Variants in LINGO1 observed in about 807,000 individuals in gnomAD.
The protein encoded by LINGO1 is leucine-rich repeat and immunoglobulin-like domain-containing nogo receptor-interacting protein 1.
LINGO1 carries 11 observed loss-of-function variants against 37.3 expected under a neutral mutation model. The ratio of observed to expected loss-of-function variants is 0.29; its 90% CI spans 0.19 to 0.49. LINGO1 has a LOEUF of 0.49. LINGO1 is among the 20% of genes least tolerant of loss of function. LINGO1 has a pLI of 0.99. For missense variants in LINGO1, 585 were observed against 878.2 expected (o/e 0.67, Z 4.22); for synonymous variants, 387 against 403.0 (o/e 0.96, Z 0.48).
At chr15:77,751,731 T>A (rs1177800526) in intron 1 of LINGO1, among the ~76,000 whole-genome samples, 1 of 152,200 alleles carries the variant, frequency 6.6e-6, no homozygotes, top group African/African-American at 2.4e-5. Flanking sequence ...GCCATTCAAC[T>A]GGCCCCACTG....
At chr15:77,751,151 C>T (rs747419855) in intron 1 of LINGO1, among the ~76,000 whole-genome samples, 1 of 152,174 alleles carries the variant, frequency 6.6e-6, no homozygotes, top group Non-Finnish European at 1.5e-5. Context: ...GGTGTGAGCA[C>T]AGGTGTGAAT....
upstream of LINGO1, among the ~76,000 whole-genome samples, chr15:77,639,047 G>C (rs1351305211): frequency 1.3e-5 from 2 of 152,110 alleles, no homozygotes; most frequent in Non-Finnish European, 2.9e-5. Context: ...CACATAGAAA[G>C]GAACTGATGT....
intron 2 of LINGO1, among the ~76,000 whole-genome samples, chr15:77,733,449 T>A (rs1169705266): frequency 2.6e-5 from 4 of 152,098 alleles, no homozygotes; most frequent in African/African-American, 9.7e-5. Context: ...CCATGACCCT[T>A]GAGGGCCTGA....
intron 1 of LINGO1, among the ~76,000 whole-genome samples, chr15:77,814,114 A>C (rs2077029769): frequency 6.6e-6 from 1 of 152,170 alleles, no homozygotes; most frequent in African/African-American, 2.4e-5. Context: ...AGTCCATGAC[A>C]GCCTGTCCTT....
At chr15:77,752,026 T>C (rs2076377175) in intron 1 of LINGO1, among the ~76,000 whole-genome samples, 1 of 152,236 alleles carries the variant, frequency 6.6e-6, no homozygotes, top group Non-Finnish European at 1.5e-5. Flanking sequence ...GAGTCAGCTG[T>C]GTCTTGCCCA....
chr15:77,789,745 G>A (rs1222933140), upstream of LINGO1, among the ~76,000 whole-genome samples: 1 of 152,158 alleles, frequency 6.6e-6, no homozygotes, highest in African/African-American at 2.4e-5. Flanking sequence ...ACAGCCTTTG[G>A]AGGCAACCAG....
At chr15:77,813,565 G>A (rs762647966) in intron 1 of LINGO1, among the ~76,000 whole-genome samples, 3 of 152,192 alleles carry the variant, frequency 2.0e-5, no homozygotes, top group South Asian at 4.1e-4. Context: ...GAGGGCAGAG[G>A]CTGGTCCTAC....
At chr15:77,624,163 C>G (rs1312473403) in intron 1 of LINGO1, among the ~76,000 whole-genome samples, 12 of 131,750 alleles carry the variant, frequency 9.1e-5, no homozygotes, top group Admixed American at 9.0e-4. Context: ...TGAGTGGCCT[C>G]TGTGTGTGTG....
At chr15:77,804,317 C>T (rs889093257) in intron 1 of LINGO1, among the ~76,000 whole-genome samples, 18 of 152,230 alleles carry the variant, frequency 1.2e-4, no homozygotes, top group African/African-American at 3.1e-4. Context: ...CGATATGCAC[C>T]GAAGGCAAGA....
intron 2 of LINGO1, among the ~76,000 whole-genome samples, chr15:77,795,747 G>A (rs1038829572): frequency 6.6e-6 from 1 of 152,228 alleles, no homozygotes; most frequent in South Asian, 2.1e-4. Flanking sequence ...AACGCCCCAC[G>A]CTTCCAAGCT....
chr15:77,624,113 G>A (rs1175047741), intron 1 of LINGO1, among the ~76,000 whole-genome samples: 3 of 144,226 alleles, frequency 2.1e-5, no homozygotes, highest in African/African-American at 7.9e-5. Flanking sequence ...TGTGTGGAGT[G>A]CGAGTAGTCT....
chr15:77,694,440 G>A (rs939459088), intron 1 of LINGO1, among the ~76,000 whole-genome samples: 2 of 152,002 alleles, frequency 1.3e-5, no homozygotes, highest in Non-Finnish European at 2.9e-5. Flanking sequence ...CTCACACCTA[G>A]GGACCTTCTC....
intron 3 of LINGO1, among the ~76,000 whole-genome samples, chr15:77,676,569 A>C (rs1008541802): frequency 6.6e-6 from 1 of 152,192 alleles, no homozygotes; most frequent in Non-Finnish European, 1.5e-5. Flanking sequence ...GGGGGACTGA[A>C]AGTTGAGACA....
chr15:77,720,685 T>C (rs920069511), intron 2 of LINGO1: 3 of 147,648 alleles, frequency 2.0e-5, no homozygotes, highest in Non-Finnish European at 4.5e-5. Context: ...AAGCAAGCTA[T>C]TTTTTTTTTT....
chr15:77,671,856 C>T (rs1461951235), intron 3 of LINGO1, among the ~76,000 whole-genome samples: 1 of 152,226 alleles, frequency 6.6e-6, no homozygotes, highest in Non-Finnish European at 1.5e-5. Flanking sequence ...TCTCCTCCTA[C>T]GCCACAGGGC....
intron 1 of LINGO1, among the ~76,000 whole-genome samples, chr15:77,692,822 A>G (rs1486614764): frequency 6.6e-6 from 1 of 152,216 alleles, no homozygotes; most frequent in Non-Finnish European, 1.5e-5. Flanking sequence ...GAACCTCAGG[A>G]CGCCATGGTA....
At chr15:77,672,011 C>T (rs1345438786) in intron 3 of LINGO1, among the ~76,000 whole-genome samples, 9 of 151,688 alleles carry the variant, frequency 5.9e-5, no homozygotes, top group Admixed American at 5.9e-4. Flanking sequence ...CCTCCTCCTC[C>T]TCCTCCTCCT....
At chr15:77,680,387 C>T (rs141356632) in intron 2 of LINGO1, among the ~76,000 whole-genome samples, 10 of 152,346 alleles carry the variant, frequency 6.6e-5, no homozygotes, top group African/African-American at 2.2e-4. Flanking sequence ...CCCACTGCCC[C>T]TTTGGGGGCA....
chr15:77,732,511 A>G (rs1234838742), intron 2 of LINGO1, among the ~76,000 whole-genome samples: 1 of 152,238 alleles, frequency 6.6e-6, no homozygotes, highest in Admixed American at 6.5e-5. Context: ...ATGGGGTGGC[A>G]AGAGGTGCCC....
Sources: allele counts gnomAD v4.1 joint callset (sites outside exome capture counted in the v4.1 genomes callset), GRCh38; gene constraint gnomAD v4.1.1; transcripts MANE v1.5; gene names NCBI Gene and HGNC (gene_info 2026-07-23, HGNC 2026-07-21).